The following SCHIP1 variants were observed in gnomAD, a reference collection of about 807,000 sequenced individuals.
SCHIP1 encodes the protein schwannomin interacting protein 1, also known as schwannomin-interacting protein 1.
SCHIP1 carries 8 observed loss-of-function variants against 29.7 expected under a neutral mutation model. That is an observed-to-expected ratio of 0.27 (90% CI 0.16 to 0.49). The LOEUF (loss-of-function observed/expected upper bound fraction) is 0.49, where lower values mean the gene tolerates loss of function less well. SCHIP1 is among the 20% of genes least tolerant of loss of function. The pLI is 0.99. For missense variants in SCHIP1, 193 were observed against 294.6 expected (o/e 0.66, Z 2.52); for synonymous variants, 76 against 94.9 (o/e 0.80, Z 1.16).
chr3:159,546,944 G>T, the SCHIP1 span, among the ~76,000 whole-genome samples: 2 of 152,086 alleles, frequency 1.3e-5, no homozygotes, highest in South Asian at 4.2e-4. Flanking sequence ...CCCAGTAATG[G>T]GATTGCTGGG....
chr3:159,575,445 T>A, the SCHIP1 span, among the ~76,000 whole-genome samples: 1 of 152,122 alleles, frequency 6.6e-6, no homozygotes, highest in African/African-American at 2.4e-5. Flanking sequence ...TTCTTTATTA[T>A]CTTTTTTTGA....
At chr3:159,452,137 C>CT in the SCHIP1 span, among the ~76,000 whole-genome samples, 360 of 142,098 alleles carry the variant, frequency 2.5e-3, 3 homozygotes, top group South Asian at 0.013. Context: ...AACATTTCTT[C>CT]TTTTTTTTTT....
intron 1 of SCHIP1, among the ~76,000 whole-genome samples, chr3:159,843,334 A>G (rs1219275400): frequency 6.6e-6 from 1 of 151,652 alleles, no homozygotes; most frequent in African/African-American, 2.4e-5. Context: ...TGCTTCTCTA[A>G]TTTATTTTTA....
At chr3:159,530,037 T>C in the SCHIP1 span, among the ~76,000 whole-genome samples, 40 of 152,348 alleles carry the variant, frequency 2.6e-4, no homozygotes, top group African/African-American at 9.1e-4. Flanking sequence ...TTGGCTATCG[T>C]GAAGAGTGCT....
chr3:159,796,639 T>A, the SCHIP1 span, among the ~76,000 whole-genome samples: 1 of 152,124 alleles, frequency 6.6e-6, no homozygotes, highest in African/African-American at 2.4e-5. Context: ...GGTAAAAAAA[T>A]TTGGAGTTTT....
At chr3:159,567,127 A>T in the SCHIP1 span, among the ~76,000 whole-genome samples, 1 of 152,146 alleles carries the variant, frequency 6.6e-6, no homozygotes, top group African/African-American at 2.4e-5. Flanking sequence ...AGATCTTTTC[A>T]TCTGCTTATT....
the SCHIP1 span, among the ~76,000 whole-genome samples, chr3:159,599,560 G>A: frequency 5.4e-3 from 829 of 152,184 alleles, 3 homozygotes; most frequent in African/African-American, 7.3e-3. Flanking sequence ...TTCCATGTAC[G>A]TTGCTTCAAA....
At chr3:159,532,588 G>A in the SCHIP1 span, among the ~76,000 whole-genome samples, 36 of 152,238 alleles carry the variant, frequency 2.4e-4, no homozygotes, top group South Asian at 1.5e-3. Context: ...TAAATGTAAT[G>A]GAGTTTCATA....
the SCHIP1 span, among the ~76,000 whole-genome samples, chr3:159,406,284 G>A: frequency 3.3e-5 from 5 of 152,176 alleles, no homozygotes; most frequent in Non-Finnish European, 5.9e-5. Flanking sequence ...GACTTCAGTG[G>A]AAACCTTACA....
the SCHIP1 span, among the ~76,000 whole-genome samples, chr3:159,538,091 G>C: frequency 2.0e-5 from 3 of 152,260 alleles, no homozygotes; most frequent in South Asian, 4.1e-4. Flanking sequence ...CATCACTTAC[G>C]TGTAATTATA....
chr3:159,702,636 C>A, the SCHIP1 span, among the ~76,000 whole-genome samples: 1 of 152,212 alleles, frequency 6.6e-6, no homozygotes, highest in South Asian at 2.1e-4. Context: ...AGAAAAAATG[C>A]GCTCTGAAAA....
the SCHIP1 span, among the ~76,000 whole-genome samples, chr3:159,395,013 G>C: frequency 6.6e-6 from 1 of 152,212 alleles, no homozygotes; most frequent in Admixed American, 6.5e-5. Flanking sequence ...GGTCTATTCA[G>C]AGATTCAACT....
the SCHIP1 span, among the ~76,000 whole-genome samples, chr3:159,380,663 G>C: frequency 1.3e-5 from 2 of 152,014 alleles, no homozygotes; most frequent in South Asian, 4.1e-4. Flanking sequence ...CAAGTGCCAG[G>C]CTTTATATAC....
At chr3:159,553,434 A>T in the SCHIP1 span, among the ~76,000 whole-genome samples, 1 of 152,180 alleles carries the variant, frequency 6.6e-6, no homozygotes, top group African/African-American at 2.4e-5. Context: ...TATTGTCTAG[A>T]TGTTCAATGT....
At position 159,854,253 on chromosome 3, in the gene SCHIP1, T is replaced by C. The variant is rs1467040637; in HGVS notation, c.31-11910T>C. ...TAGAACAGTAAAACTTGCTACTTAA[T>C]TTTTAATTTGATCAAATACATCACT... On this transcript the variant is annotated intron_variant, in intron 1 of 6. Transcript: ENST00000445224. 2.0e-5 allele frequency among the ~76,000 whole-genome samples: 3 copies of C among 152,252 alleles called. No individual in the cohort carries two copies. In the East Asian group the frequency reaches 5.8e-4, roughly 29 times the overall value.
chr3:159,609,866 C>T, the SCHIP1 span, among the ~76,000 whole-genome samples: 2 of 151,832 alleles, frequency 1.3e-5, no homozygotes, highest in African/African-American at 2.4e-5. Context: ...CGATGGAAAA[C>T]CACAGCAAGC....
chr3:159,401,423 A>G, the SCHIP1 span: 2 of 915,714 alleles, frequency 2.2e-6, no homozygotes, highest in African/African-American at 3.6e-5. Context: ...AGTAATAAAA[A>G]TAGCTACCAG....
chr3:159,751,001 T>A, the SCHIP1 span, among the ~76,000 whole-genome samples: 1 of 152,176 alleles, frequency 6.6e-6, no homozygotes, highest in Non-Finnish European at 1.5e-5. Context: ...ACACATAAAC[T>A]TTTTTTAAAG....
the SCHIP1 span, among the ~76,000 whole-genome samples, chr3:159,391,361 A>C: frequency 6.6e-6 from 1 of 152,290 alleles, no homozygotes; most frequent in South Asian, 2.1e-4. Flanking sequence ...TTAACATATA[A>C]TACTAAAGAC....
Sources: allele counts gnomAD v4.1 joint callset (sites outside exome capture counted in the v4.1 genomes callset), GRCh38; gene constraint gnomAD v4.1.1; transcripts MANE v1.5; gene names NCBI Gene and HGNC (gene_info 2026-07-23, HGNC 2026-07-21).